Variants in MARK3 observed in about 807,000 individuals in gnomAD.
The protein encoded by MARK3 is microtubule affinity regulating kinase 3, also known as MAP/microtubule affinity-regulating kinase 3.
MARK3 carries 46 observed loss-of-function variants against 90.1 expected under a neutral mutation model. The ratio of observed to expected loss-of-function variants is 0.51; its 90% CI spans 0.40 to 0.65. The LOEUF (loss-of-function observed/expected upper bound fraction) is 0.65. Ranked by LOEUF, MARK3 falls within the 30% of genes least tolerant of loss-of-function variation. The pLI is 0.00. For missense variants in MARK3, 818 were observed against 947.2 expected (o/e 0.86, Z 1.79); for synonymous variants, 321 against 332.6 (o/e 0.97, Z 0.38).
At chr14:103,458,087 G>A (rs1015372065) in intron 6 of MARK3, among the ~76,000 whole-genome samples, 1 of 152,128 alleles carries the variant, frequency 6.6e-6, no homozygotes, top group African/African-American at 2.4e-5. Flanking sequence ...TCTGTAAAGG[G>A]CCAGATAGTG....
chr14:103,393,845 CGCCT>C (rs2090421233), intron 1 of MARK3, among the ~76,000 whole-genome samples: 1 of 151,830 alleles, frequency 6.6e-6, no homozygotes, highest in African/African-American at 2.4e-5. Flanking sequence ...CTGCAACCTC[CGCCT>C]GCCAGCCTAA....
At chr14:103,396,420 T>C (rs1372249065) in intron 1 of MARK3, among the ~76,000 whole-genome samples, 1 of 152,200 alleles carries the variant, frequency 6.6e-6, no homozygotes, top group African/African-American at 2.4e-5. Context: ...TCTTGTGGCT[T>C]TTTTCCTTAT....
At chr14:103,492,316 A>G (rs972679933) in intron 15 of MARK3, among the ~76,000 whole-genome samples, 1 of 151,894 alleles carries the variant, frequency 6.6e-6, no homozygotes, top group Non-Finnish European at 1.5e-5. Context: ...TCTGCATGGC[A>G]TGTTCGTTGT....
rs1413286516 is a variant in MARK3, at chr14:103,466,565, A to G, written c.997+123A>G. On this transcript the variant is annotated intron_variant, in intron 10 of 17. Coordinates refer to ENST00000429436, the MANE Select transcript of MARK3 (RefSeq NM_001128918.3). ...TAAGCACAAGTCATATGAACAGTTTATCTGTTCTGTCATATTTAGGAACGT... is the reference window on the plus strand; with the variant it reads ...TAAGCACAAGTCATATGAACAGTTTGTCTGTTCTGTCATATTTAGGAACGT... 3.9e-5 allele frequency: 25 copies of G among 641,810 alleles called. No individual in the cohort carries two copies. The Admixed American group carries it at 7.2e-4, about 18-fold the overall frequency. 39.8% of individuals were successfully genotyped at this position (641,810 alleles called of 1,614,324 possible). A position where few individuals can be genotyped will look rare whatever the true frequency, so the allele number is the denominator to read the frequency against.
At chr14:103,411,249 G>C (rs1312883799) in intron 2 of MARK3, among the ~76,000 whole-genome samples, 1 of 152,214 alleles carries the variant, frequency 6.6e-6, no homozygotes. Flanking sequence ...ACTGCAGCCT[G>C]GGTGACAGAG....
chr14:103,436,007 C>T (rs945643345), intron 3 of MARK3, among the ~76,000 whole-genome samples: 1 of 152,066 alleles, frequency 6.6e-6, no homozygotes, highest in African/African-American at 2.4e-5. Flanking sequence ...TCTCCTGCCT[C>T]AGCCTCCCAA....
At chr14:103,403,694 C>T (rs893031255) in intron 1 of MARK3, among the ~76,000 whole-genome samples, 1 of 152,160 alleles carries the variant, frequency 6.6e-6, no homozygotes, top group Non-Finnish European at 1.5e-5. Context: ...CAGCATGCAT[C>T]TTGTGCACAA....
chr14:103,474,454 T>C (rs2093682521), intron 12 of MARK3, among the ~76,000 whole-genome samples: 2 of 152,234 alleles, frequency 1.3e-5, no homozygotes, highest in Admixed American at 1.3e-4. Context: ...ACCGACTTCC[T>C]CCCTGTCGCT....
At chr14:103,403,718 T>G (rs2091108257) in intron 1 of MARK3, among the ~76,000 whole-genome samples, 1 of 152,166 alleles carries the variant, frequency 6.6e-6, no homozygotes, top group Non-Finnish European at 1.5e-5. Flanking sequence ...AATCTACCTG[T>G]TTTTGTATTA....
Position 103,490,293 on chromosome 14 carries a change from G to T in MARK3, c.1587-1484G>T, listed in dbSNP as rs542646390. The T allele has an allele frequency of 4.6e-5, 7 of 152,336 alleles. No individual in the cohort carries two copies. The South Asian group carries it at 1.4e-3, about 32-fold the overall frequency. 9.4% of individuals were successfully genotyped at this position (152,336 alleles called of 1,614,324 possible). A position where few individuals can be genotyped will look rare whatever the true frequency, so the allele number is the denominator to read the frequency against. ...TCGTACCACTGCACTGCAGCTAGGTGACAGCAAAACCCTGTCTCAAAAAAA... is the reference window on the plus strand; with the variant it reads ...TCGTACCACTGCACTGCAGCTAGGTTACAGCAAAACCCTGTCTCAAAAAAA... On this transcript the variant is annotated intron_variant, in intron 14 of 17. Transcript: ENST00000429436.
At chr14:103,420,836 CTT>C in intron 2 of MARK3, among the ~76,000 whole-genome samples, 1 of 152,206 alleles carries the variant, frequency 6.6e-6, no homozygotes, top group South Asian at 2.1e-4. Context: ...CAAGGGGACA[CTT>C]TGCTTTCTTT....
intron 6 of MARK3, among the ~76,000 whole-genome samples, chr14:103,458,556 G>A (rs1406680620): frequency 6.6e-6 from 1 of 152,072 alleles, no homozygotes; most frequent in Admixed American, 6.5e-5. Flanking sequence ...ACAGGGATGG[G>A]CCGGATGTAG....
At chr14:103,412,973 C>G (rs552535603) in intron 2 of MARK3, among the ~76,000 whole-genome samples, 17 of 151,552 alleles carry the variant, frequency 1.1e-4, no homozygotes, top group African/African-American at 4.1e-4. Context: ...CTCCTGGGTT[C>G]AAGCAATTCT....
At chr14:103,436,539 G>T (rs1212343281) in intron 3 of MARK3, among the ~76,000 whole-genome samples, 1 of 151,526 alleles carries the variant, frequency 6.6e-6, no homozygotes, top group East Asian at 1.9e-4. Flanking sequence ...TCCAGTGTCT[G>T]CATTCACATC....
At chr14:103,441,242 T>G (rs1339290489) in intron 3 of MARK3, among the ~76,000 whole-genome samples, 3 of 152,134 alleles carry the variant, frequency 2.0e-5, no homozygotes, top group Non-Finnish European at 4.4e-5. Flanking sequence ...CATTTATCAG[T>G]CTTTTTTTAA....
chr14:103,451,832 C>T, intron 4 of MARK3, 86 bp from the exon 5 acceptor site: 1 of 886,736 alleles, frequency 1.1e-6, no homozygotes, highest in Non-Finnish European at 1.7e-6. Flanking sequence ...GAAAAGGTTG[C>T]TTTTCATAGT....
intron 5 of MARK3, among the ~76,000 whole-genome samples, chr14:103,455,507 A>G (rs2093255309): frequency 6.6e-6 from 1 of 152,164 alleles, no homozygotes; most frequent in South Asian, 2.1e-4. Context: ...CGGGCAGATC[A>G]CTTGAGGCCA....
At chr14:103,413,328 C>G (rs1406619508) in intron 2 of MARK3, among the ~76,000 whole-genome samples, 4 of 151,402 alleles carry the variant, frequency 2.6e-5, no homozygotes, top group Admixed American at 2.0e-4. Flanking sequence ...CTTTTTTTTC[C>G]TCAAGAAGGC....
chr14:103,467,251 G>A, intron 11 of MARK3, 60 bp downstream of exon 11: 1 of 731,544 alleles, frequency 1.4e-6, no homozygotes, highest in Non-Finnish European at 2.2e-6. Context: ...TATATAAACT[G>A]TTTTCTTAGT....
Sources: allele counts gnomAD v4.1 joint callset (sites outside exome capture counted in the v4.1 genomes callset), GRCh38; gene constraint gnomAD v4.1.1; transcripts MANE v1.5; gene names NCBI Gene and HGNC (gene_info 2026-07-23, HGNC 2026-07-21).